SLC8A1: variants seen among roughly 807,000 people sequenced by gnomAD.
The protein encoded by SLC8A1 is solute carrier family 8 member A1.
In SLC8A1, 18 loss-of-function variants were observed where a neutral mutation model predicts 68.3. The observed-to-expected ratio is 0.26, with a 90% CI of 0.18 to 0.39. SLC8A1 has a LOEUF of 0.39. Ranked by LOEUF, SLC8A1 falls within the 10% of genes least tolerant of loss-of-function variation. SLC8A1 has a pLI of 1.00. For missense variants in SLC8A1, 985 were observed against 1,156.7 expected (o/e 0.85, Z 2.15); for synonymous variants, 475 against 415.5 (o/e 1.14, Z -1.74).
chr2:40,255,917 C>T, intron 2 of SLC8A1, among the ~76,000 whole-genome samples: 1 of 151,384 alleles, frequency 6.6e-6, no homozygotes, highest in Non-Finnish European at 1.5e-5. Flanking sequence ...TCTCTGGCAC[C>T]ATCCTTGAGT....
At chr2:40,427,354 T>C (rs1021290427) in intron 2 of SLC8A1, among the ~76,000 whole-genome samples, 4 of 152,106 alleles carry the variant, frequency 2.6e-5, no homozygotes, top group Non-Finnish European at 4.4e-5. Flanking sequence ...CATATGCCAT[T>C]ATCGTAAGAG....
chr2:40,158,899 C>T (rs1335060386), intron 6 of SLC8A1, among the ~76,000 whole-genome samples: 2 of 152,154 alleles, frequency 1.3e-5, no homozygotes, highest in Admixed American at 6.5e-5. Flanking sequence ...ATAGTTGTTT[C>T]TCTGTATACC....
chr2:40,495,529 A>G (rs1188318624), intron 1 of SLC8A1, among the ~76,000 whole-genome samples: 4 of 152,074 alleles, frequency 2.6e-5, no homozygotes, highest in Non-Finnish European at 1.5e-5. Flanking sequence ...TATCAGGGAA[A>G]AATGTGTGTA....
chr2:40,258,334 C>G (rs1219023179), intron 2 of SLC8A1, among the ~76,000 whole-genome samples: 5 of 152,274 alleles, frequency 3.3e-5, no homozygotes, highest in Middle Eastern at 3.4e-3. Flanking sequence ...AAGTACTTCC[C>G]AACGTGTGGG....
chr2:40,311,997 G>A (rs1373091523), intron 2 of SLC8A1, among the ~76,000 whole-genome samples: 3 of 151,946 alleles, frequency 2.0e-5, no homozygotes, highest in Non-Finnish European at 4.4e-5. Flanking sequence ...CCTCCCTTGC[G>A]TCTCAAAGAG....
At chr2:40,194,828 C>T (rs2052646972) in intron 2 of SLC8A1, among the ~76,000 whole-genome samples, 1 of 151,996 alleles carries the variant, frequency 6.6e-6, no homozygotes, top group Admixed American at 6.6e-5. Context: ...GGAACTCAAC[C>T]CGCCCACTGG....
At position 40,128,107 on chromosome 2, in the gene SLC8A1, G is replaced by A. The variant is rs143844850; in HGVS notation, c.2437+11294C>T. Among the ~76,000 whole-genome samples, 22 of 152,366 alleles carry A rather than the reference G, an allele frequency of 1.4e-4. No individual in the cohort carries two copies. In the East Asian group the frequency reaches 4.2e-3, roughly 29 times the overall value. On this transcript the variant is annotated intron_variant, in intron 7 of 7. Transcript: ENST00000406785. Reference sequence around the variant, plus strand: ...CAGTGATGGGATTCCAGCTGGCGCTGTGCATAAATGCCAAGCACCATGATT... The same window carrying A: ...CAGTGATGGGATTCCAGCTGGCGCTATGCATAAATGCCAAGCACCATGATT...
At chr2:40,430,103 T>G in exon 2 of SLC8A1, 3 of 1,613,796 alleles carry the variant, frequency 1.9e-6, no homozygotes, top group Non-Finnish European at 2.5e-6. Context: ...ATGGGCAAAA[T>G]CACCCCTTTC....
At chr2:40,366,195 CAT>C (rs1676147547) in intron 2 of SLC8A1, among the ~76,000 whole-genome samples, 1 of 151,998 alleles carries the variant, frequency 6.6e-6, no homozygotes, top group African/African-American at 2.4e-5. Context: ...GGCTAATACA[CAT>C]GAGTACTTAG....
intron 1 of SLC8A1, among the ~76,000 whole-genome samples, chr2:40,463,583 G>T (rs1703467443): frequency 6.6e-6 from 1 of 152,036 alleles, no homozygotes; most frequent in South Asian, 2.1e-4. Context: ...ACAACTGGAA[G>T]ATTAAAAACA....
In SLC8A1 at chr2:40,324,037, G is replaced by T. The variant is rs114485522; in HGVS notation, c.1808+104436C>A. The stretch of plus-strand genomic sequence containing the variant: ...CTTAGCAAGTTAAAGGTGGGGGGGG[G>T]GCTGTTAACAATTACAGTATGTGTA... On this transcript the variant is annotated intron_variant, in intron 2 of 7. Transcript: ENST00000406785. 2.4e-3 allele frequency among the ~76,000 whole-genome samples: 366 copies of T among 151,128 alleles called. 1 individual carries two copies. The highest frequency in any genetic ancestry group is 7.8e-3 in the African/African-American group (321 of 41,022).
intron 7 of SLC8A1, among the ~76,000 whole-genome samples, chr2:40,137,467 C>T (rs1194147717): frequency 5.3e-5 from 8 of 152,122 alleles, no homozygotes; most frequent in East Asian, 1.9e-4. Flanking sequence ...TGACCAACAG[C>T]GTGTGCTAAC....
At chr2:40,449,807 T>C (rs1412896627) in intron 1 of SLC8A1, among the ~76,000 whole-genome samples, 1 of 152,336 alleles carries the variant, frequency 6.6e-6, no homozygotes, top group South Asian at 2.1e-4. Flanking sequence ...ACATCCTTTG[T>C]AGCCCTATAC....
At chr2:40,424,978 C>T (rs1402376174) in intron 2 of SLC8A1, among the ~76,000 whole-genome samples, 1 of 151,746 alleles carries the variant, frequency 6.6e-6, no homozygotes, top group East Asian at 1.9e-4. Context: ...ATTAACAGCA[C>T]TTCAAATGTG....
intron 2 of SLC8A1, among the ~76,000 whole-genome samples, chr2:40,225,614 C>T (rs1340712913): frequency 2.0e-5 from 3 of 152,102 alleles, no homozygotes; most frequent in Admixed American, 6.5e-5. Context: ...AAAGGGCTCA[C>T]GATGGAAATC....
At chr2:40,484,457 G>C (rs570820906) in intron 1 of SLC8A1, among the ~76,000 whole-genome samples, 54 of 152,292 alleles carry the variant, frequency 3.5e-4, no homozygotes, top group African/African-American at 1.2e-3. Context: ...GAGCTTTCTC[G>C]TATCTTTACA....
chr2:40,461,522 T>TCC (rs534547620), intron 1 of SLC8A1, among the ~76,000 whole-genome samples: 145 of 152,282 alleles, frequency 9.5e-4, no homozygotes, highest in African/African-American at 3.3e-3. Context: ...GAAAAAACCC[T>TCC]TGCCCACTCC....
At chr2:40,140,287 G>A (rs752553653) in intron 6 of SLC8A1, among the ~76,000 whole-genome samples, 1 of 152,174 alleles carries the variant, frequency 6.6e-6, no homozygotes, top group Non-Finnish European at 1.5e-5. Context: ...TTCCAAACCA[G>A]ATACACTTTC....
intron 1 of SLC8A1, among the ~76,000 whole-genome samples, chr2:40,509,433 T>G (rs1169425416): frequency 1.4e-5 from 2 of 142,982 alleles, no homozygotes; most frequent in Admixed American, 7.5e-5. Flanking sequence ...CAAGGGGATT[T>G]GGAATTTTTT....
Sources: allele counts gnomAD v4.1 joint callset (sites outside exome capture counted in the v4.1 genomes callset), GRCh38; gene constraint gnomAD v4.1.1; transcripts MANE v1.5; gene names NCBI Gene and HGNC (gene_info 2026-07-23, HGNC 2026-07-21).